KATNIP: variants seen among roughly 807,000 people sequenced by gnomAD.
KATNIP encodes katanin-interacting protein.
KATNIP carries 126 observed loss-of-function variants against 174.0 expected under a neutral mutation model. The ratio of observed to expected loss-of-function variants is 0.72; its 90% CI spans 0.63 to 0.84. The LOEUF (loss-of-function observed/expected upper bound fraction) is 0.84, where lower values mean the gene tolerates loss of function less well. KATNIP is among the 40% of genes least tolerant of loss of function. The pLI, the probability that KATNIP is intolerant of heterozygous loss-of-function variation, is 0.00. For synonymous variants in KATNIP, 810 were observed against 835.7 expected (o/e 0.97, Z 0.53); for missense variants, 1,958 against 2,109.7 (o/e 0.93, Z 1.41).
At chr16:27,650,713 G>C (rs969584346) in intron 6 of KATNIP, among the ~76,000 whole-genome samples, 5 of 152,200 alleles carry the variant, frequency 3.3e-5, no homozygotes, top group Admixed American at 6.5e-5. Flanking sequence ...CAGATAAAGA[G>C]CAAGGATCAC....
At chr16:27,695,797 A>T (rs1392855791) in intron 8 of KATNIP, among the ~76,000 whole-genome samples, 1 of 152,160 alleles carries the variant, frequency 6.6e-6, no homozygotes, top group Non-Finnish European at 1.5e-5. Context: ...ATATGAAAAA[A>T]ATCCAAACAT....
At position 27,715,240 on chromosome 16, in the gene KATNIP, C is replaced by A. The variant is rs143707272; in HGVS notation, c.1606-6318C>A. 1.2e-4 allele frequency among the ~76,000 whole-genome samples: 18 copies of A among 152,240 alleles called. No individual in the cohort carries two copies. The East Asian group carries it at 3.3e-3, about 28-fold the overall frequency. Reference sequence around the variant, plus strand: ...CTTGGGACAAATGCGTTTCCACATGCGAGAAAATGAAGGTGGACTTCCACC... The same window carrying A: ...CTTGGGACAAATGCGTTTCCACATGAGAGAAAATGAAGGTGGACTTCCACC... On this transcript the variant is annotated intron_variant, in intron 13 of 27. Transcript: ENST00000261588.
At chr16:27,755,490 C>G (rs1414327157) in intron 18 of KATNIP, 1 of 152,308 alleles carries the variant, frequency 6.6e-6, no homozygotes, top group Non-Finnish European at 1.5e-5. Context: ...AAGGCCTCAG[C>G]CTGCTCCACA....
chr16:27,640,274 C>T (rs898980612), intron 5 of KATNIP, among the ~76,000 whole-genome samples: 5 of 152,330 alleles, frequency 3.3e-5, no homozygotes, highest in Middle Eastern at 3.4e-3. Context: ...AAAGAGCAGC[C>T]GCTTTGAAAC....
chr16:27,771,603 C>A lies in KATNIP; in HGVS notation c.4149C>A (p.Ser1383Arg). 1 of 1,613,356 alleles carries A rather than the reference C, an allele frequency of 6.2e-7. No homozygotes were observed. Residue 1383 changes from serine (S) to arginine (R), a missense_variant, in exon 22 of 28, where the codon AGC becomes AGA. This residue lies in a region of KATNIP where 383 missense variants were observed against 456.0 expected (regional missense o/e 0.84). Coordinates refer to ENST00000261588, the MANE Select transcript of KATNIP (RefSeq NM_015202.5). ...PQPARRLDMR[S>R]LECASMDYEA... ...GCTTTTTCAGGCTGGACATGAGAAGCCTGGAGTGTGCAAGCATGGACTACG... is the reference window on the plus strand; with the variant it reads ...GCTTTTTCAGGCTGGACATGAGAAGACTGGAGTGTGCAAGCATGGACTACG...
At chr16:27,630,146 C>A (rs1464923681) in intron 4 of KATNIP, among the ~76,000 whole-genome samples, 1 of 152,178 alleles carries the variant, frequency 6.6e-6, no homozygotes, top group Admixed American at 6.5e-5. Context: ...AAGCAAGTTA[C>A]AAGAAGATCT....
At chr16:27,682,374 G>A (rs977807787) in intron 8 of KATNIP, among the ~76,000 whole-genome samples, 10 of 152,308 alleles carry the variant, frequency 6.6e-5, no homozygotes, top group East Asian at 3.9e-4. Context: ...GGCACACAAC[G>A]TGCAAGTGGC....
At chr16:27,743,754 G>A (rs765925471) in intron 15 of KATNIP, among the ~76,000 whole-genome samples, 1 of 152,106 alleles carries the variant, frequency 6.6e-6, no homozygotes, top group Admixed American at 6.5e-5. Context: ...AGACAGTAAG[G>A]GTTAAAGCAG....
intron 7 of KATNIP, among the ~76,000 whole-genome samples, chr16:27,679,287 G>A (rs2078238167): frequency 6.6e-6 from 1 of 152,100 alleles, no homozygotes; most frequent in Non-Finnish European, 1.5e-5. Context: ...TCTTCTCCCT[G>A]TGTCTTCCTG....
At chr16:27,619,257 G>C (rs1350639020) in intron 3 of KATNIP, among the ~76,000 whole-genome samples, 1 of 152,218 alleles carries the variant, frequency 6.6e-6, no homozygotes, top group Non-Finnish European at 1.5e-5. Flanking sequence ...CCAGCTGTCT[G>C]TGAGACCACA....
At chr16:27,739,004 G>C in intron 14 of KATNIP, among the ~76,000 whole-genome samples, 1 of 142,492 alleles carries the variant, frequency 7.0e-6, no homozygotes, top group Non-Finnish European at 1.5e-5. Flanking sequence ...TCTGATTTCA[G>C]TTAAAAAAAA....
At chr16:27,729,245 C>T (rs2080567859) in intron 14 of KATNIP, among the ~76,000 whole-genome samples, 1 of 152,212 alleles carries the variant, frequency 6.6e-6, no homozygotes, top group Non-Finnish European at 1.5e-5. Context: ...CTCTTCTCCT[C>T]TGTGCTGGCC....
chr16:27,665,585 T>A (rs1219477554), intron 6 of KATNIP, among the ~76,000 whole-genome samples: 2 of 151,956 alleles, frequency 1.3e-5, no homozygotes, highest in African/African-American at 2.4e-5. Context: ...CAGACTAATA[T>A]ACCATGTCTG....
At chr16:27,739,896 C>G in intron 14 of KATNIP, 145 bp from the exon 15 acceptor site, 1 of 806,222 alleles carries the variant, frequency 1.2e-6, no homozygotes, top group Non-Finnish European at 1.9e-6. Flanking sequence ...AGCCTAGTTT[C>G]ACACCCCCAG....
At chr16:27,773,886 G>A (rs986714659) in intron 23 of KATNIP, among the ~76,000 whole-genome samples, 1 of 152,042 alleles carries the variant, frequency 6.6e-6, no homozygotes, top group African/African-American at 2.4e-5. Context: ...TTTTCTCAGG[G>A]CTCACTCTGT....
At chr16:27,755,539 T>C (rs1392476224) in intron 18 of KATNIP, 2 of 152,234 alleles carry the variant, frequency 1.3e-5, no homozygotes, top group South Asian at 4.1e-4. Flanking sequence ...GGGGTCATCC[T>C]GAGTTGAGTG....
rs2077031045 is a variant in KATNIP at position 27,648,610 on chromosome 16, G to C, written c.415G>C (p.Val139Leu). The change falls in exon 6 of 28, where the codon GTG becomes CTG. Residue 139 changes from valine (V) to leucine (L), a missense_variant. Physicochemically the swap from Val to Leu is conservative, Grantham distance 32. Transcript: ENST00000261588. ...VQRRGWHQKS[V>L]QIRTEAGPRL... ...GGCCTGCATTTTTGTACAGAAATCT[G>C]TGCAGATCAGAACAGAAGCTGGCCC... is the stretch of plus-strand genomic sequence containing the variant. 2 of 1,614,034 alleles carry C rather than the reference G, an allele frequency of 1.2e-6. No individual in the cohort carries two copies. Among genetic ancestry groups the C allele is most frequent in the African/African-American group, 2.7e-5 (2 of 74,922 alleles).
intron 14 of KATNIP, among the ~76,000 whole-genome samples, chr16:27,738,170 C>G (rs553750275): frequency 4.6e-5 from 7 of 151,868 alleles, no homozygotes; most frequent in Non-Finnish European, 8.8e-5. Context: ...AAGAGCCGAG[C>G]AAAAAAGACT....
intron 8 of KATNIP, among the ~76,000 whole-genome samples, chr16:27,685,971 C>A (rs2078509140): frequency 6.6e-6 from 1 of 152,210 alleles, no homozygotes; most frequent in African/African-American, 2.4e-5. Context: ...TACATGAACT[C>A]TCAGTAAGCC....
Sources: gnomAD v4.1 joint callset for allele counts (sites outside exome capture counted in the v4.1 genomes callset) on GRCh38, gnomAD v4.1.1 for gene constraint, gnomAD v4.1.1 regional missense constraint, MANE v1.5 for transcripts, NCBI Gene and HGNC (gene_info 2026-07-23, HGNC 2026-07-21) for gene names.